SEMA3C: variants seen among roughly 807,000 people sequenced by gnomAD.
The protein encoded by SEMA3C is semaphorin-3C.
A neutral mutation model predicts 89.4 loss-of-function variants in SEMA3C; 47 were observed. The ratio of observed to expected loss-of-function variants is 0.53; its 90% CI spans 0.42 to 0.67. The LOEUF is 0.67. Ranked by LOEUF, SEMA3C falls within the 30% of genes least tolerant of loss-of-function variation. The probability of loss-of-function intolerance (pLI) is 0.00; values close to 1 mark genes in which losing one functional copy is unlikely to be tolerated. For missense variants in SEMA3C, 839 were observed against 929.1 expected, an observed-to-expected ratio of 0.90 and a Z score of 1.26; for synonymous variants, 310 against 320.2, an observed-to-expected ratio of 0.97 and a Z score of 0.34.
intron 12 of SEMA3C, among the ~76,000 whole-genome samples, chr7:80,772,871 G>GT (rs1788465774): frequency 1.3e-5 from 2 of 152,036 alleles, no homozygotes; most frequent in African/African-American, 4.8e-5. Flanking sequence ...TATACAAACA[G>GT]TTTCTCAGAG....
chr7:80,908,460 T>C (rs1310512622), intron 2 of SEMA3C, among the ~76,000 whole-genome samples: 1 of 152,190 alleles, frequency 6.6e-6, no homozygotes, highest in Middle Eastern at 3.2e-3. Context: ...CTACATTTCA[T>C]ATGCTATAAT....
At chr7:80,909,893 T>A (rs977315732) in intron 2 of SEMA3C, among the ~76,000 whole-genome samples, 7 of 152,180 alleles carry the variant, frequency 4.6e-5, no homozygotes, top group Non-Finnish European at 2.9e-5. Flanking sequence ...TTGAACAGAT[T>A]TAAAGCCTGA....
In SEMA3C at chr7:80,744,824, T is replaced by G; in HGVS notation, c.*70A>C. 4 of 1,557,458 alleles carry G rather than the reference T, an allele frequency of 2.6e-6. No homozygotes were observed. The South Asian group carries it at 4.5e-5, about 18-fold the overall frequency. ...TTCCCCTTGGTAAAGCACAAGTTTC[T>G]TTGCTCAAAATTTGATCATTGAAGA... On this transcript the variant is annotated 3_prime_UTR_variant, in exon 18 of 18. Transcript: ENST00000265361.
At chr7:80,903,990 C>T (rs533156593) in intron 2 of SEMA3C, among the ~76,000 whole-genome samples, 2 of 152,212 alleles carry the variant, frequency 1.3e-5, no homozygotes, top group South Asian at 2.1e-4. Flanking sequence ...TTGCACAAAC[C>T]TGTATTTAAT....
At chr7:80,758,212 G>A in intron 15 of SEMA3C, 119 bp downstream of exon 15, 1 of 1,108,672 alleles carries the variant, frequency 9.0e-7, no homozygotes, top group Non-Finnish European at 1.3e-6. Flanking sequence ...GTTAAACATA[G>A]CTTCTACCTT....
chr7:80,794,017 A>T (rs1789004646), intron 11 of SEMA3C, among the ~76,000 whole-genome samples: 1 of 152,050 alleles, frequency 6.6e-6, no homozygotes, highest in African/African-American at 2.4e-5. Context: ...CCTTTGTCTG[A>T]AGCCAAAAAA....
chr7:80,774,752 T>C (rs1788508424), intron 12 of SEMA3C, among the ~76,000 whole-genome samples: 1 of 151,994 alleles, frequency 6.6e-6, no homozygotes, highest in African/African-American at 2.4e-5. Context: ...AACATATATG[T>C]GACTAGAGTT....
At chr7:80,842,757 T>C (rs554713812) in intron 2 of SEMA3C, among the ~76,000 whole-genome samples, 102 of 152,196 alleles carry the variant, frequency 6.7e-4, no homozygotes, top group Non-Finnish European at 1.2e-3. Context: ...CATTAAACAA[T>C]TTAAGTAACT....
In SEMA3C at chr7:80,742,896, G is replaced by GA. The variant is rs1438116146; in HGVS notation, c.*1997dup. ...GAATTTCTACATTTTTAAAAGTAAT[G>GA]AAAGTGTACACAATTTAATAATTGT... is the stretch of plus-strand genomic sequence containing the variant. On this transcript the variant is annotated 3_prime_UTR_variant, in exon 18 of 18. Coordinates refer to ENST00000265361, the MANE Select transcript of SEMA3C (RefSeq NM_006379.5). The GA allele has an allele frequency of 6.6e-6, 1 of 151,898 alleles. No individual in the cohort carries two copies. The highest frequency in any genetic ancestry group is 1.5e-5 in the Non-Finnish European group (1 of 67,830). The allele number at this position is 151,898 out of a possible 1,614,324, so 9.4% of individuals were successfully genotyped here. A position where few individuals can be genotyped will look rare whatever the true frequency, so the allele number is the denominator to read the frequency against.
At chr7:80,907,800 C>G (rs1248609597) in intron 2 of SEMA3C, among the ~76,000 whole-genome samples, 2 of 151,886 alleles carry the variant, frequency 1.3e-5, no homozygotes, top group East Asian at 3.9e-4. Flanking sequence ...TAAGGTTTTT[C>G]TTCTGCTTGA....
intron 2 of SEMA3C, among the ~76,000 whole-genome samples, chr7:80,859,844 G>A (rs1302413117): frequency 1.3e-5 from 2 of 152,200 alleles, no homozygotes; most frequent in East Asian, 3.9e-4. Context: ...GAACTGAACT[G>A]AAATTTAGCA....
chr7:80,814,111 CAG>C (rs1789541338), intron 5 of SEMA3C, among the ~76,000 whole-genome samples: 1 of 137,324 alleles, frequency 7.3e-6, no homozygotes, highest in Non-Finnish European at 1.5e-5. Context: ...TTATTTAAGA[CAG>C]AGTCTCGCTC....
In SEMA3C at chr7:80,892,064, T is replaced by C. The variant is rs555514041; in HGVS notation, c.103+24615A>G. ...TTATAAACCATAAAATCTTTCATTC[T>C]TATATTACTAATAGGCTAGTTCATT... On this transcript the variant is annotated intron_variant, in intron 2 of 17. Transcript: ENST00000265361. Among the ~76,000 whole-genome samples the C allele has an allele frequency of 4.6e-5, 7 of 152,256 alleles. No homozygotes were observed. In the South Asian group the frequency reaches 1.4e-3, roughly 32 times the overall value.
At chr7:80,901,308 T>C (rs1416929844) in intron 2 of SEMA3C, among the ~76,000 whole-genome samples, 1 of 152,216 alleles carries the variant, frequency 6.6e-6, no homozygotes, top group Non-Finnish European at 1.5e-5. Flanking sequence ...ATGTGGCTAT[T>C]TTAGTGTTGT....
At chr7:80,795,605 T>C (rs1201586687) in intron 11 of SEMA3C, among the ~76,000 whole-genome samples, 1 of 152,224 alleles carries the variant, frequency 6.6e-6, no homozygotes, top group Admixed American at 6.5e-5. Context: ...AATTTTCTAA[T>C]TTAGCATTGG....
chr7:80,845,739 G>C (rs1203875176), intron 2 of SEMA3C, among the ~76,000 whole-genome samples: 1 of 152,008 alleles, frequency 6.6e-6, no homozygotes, highest in Non-Finnish European at 1.5e-5. Context: ...TTATTGAATG[G>C]TGGAAAACCA....
chr7:80,851,727 C>T (rs1356461271), intron 2 of SEMA3C, among the ~76,000 whole-genome samples: 3 of 151,464 alleles, frequency 2.0e-5, no homozygotes, highest in Non-Finnish European at 2.9e-5. Context: ...TATCATAACA[C>T]GTAGACAGCG....
intron 2 of SEMA3C, among the ~76,000 whole-genome samples, chr7:80,878,132 C>A (rs944070959): frequency 2.0e-5 from 3 of 152,162 alleles, no homozygotes; most frequent in Non-Finnish European, 4.4e-5. Flanking sequence ...AATCCCAGCA[C>A]TTTGGAAGGC....
At chr7:80,878,709 A>C (rs976832364) in intron 2 of SEMA3C, among the ~76,000 whole-genome samples, 4 of 152,112 alleles carry the variant, frequency 2.6e-5, no homozygotes, top group Admixed American at 6.5e-5. Context: ...TTGCATATAA[A>C]AATATTGGGT....
Sources: gnomAD v4.1 joint callset for allele counts (sites outside exome capture counted in the v4.1 genomes callset) on GRCh38, gnomAD v4.1.1 for gene constraint, MANE v1.5 for transcripts, NCBI Gene and HGNC (gene_info 2026-07-23, HGNC 2026-07-21) for gene names.